The following NCOA2 variants were observed in gnomAD, a reference collection of about 807,000 sequenced individuals.
The protein encoded by NCOA2 is class E basic helix-loop-helix protein 75.
NCOA2 carries 21 observed loss-of-function variants against 145.1 expected under a neutral mutation model. The observed-to-expected ratio is 0.14, with a 90% CI of 0.10 to 0.21. The LOEUF (loss-of-function observed/expected upper bound fraction) is 0.21, where lower values mean the gene tolerates loss of function less well. Among genes scored for constraint, NCOA2 ranks in the 10% least tolerant of loss-of-function variants. The pLI is 1.00. For synonymous variants in NCOA2, 619 were observed against 637.5 expected (o/e 0.97, Z 0.44); for missense variants, 1,472 against 1,837.6 (o/e 0.80, Z 3.64).
chr8:70,152,062 T>A (rs1811812605), intron 11 of NCOA2, among the ~76,000 whole-genome samples: 1 of 152,354 alleles, frequency 6.6e-6, no homozygotes, highest in East Asian at 1.9e-4. Context: ...ACAAAAAGAT[T>A]AATGCCTTCC....
chr8:70,454,552 A>C, the NCOA2 span, among the ~76,000 whole-genome samples: 1 of 152,212 alleles, frequency 6.6e-6, no homozygotes, highest in African/African-American at 2.4e-5. Flanking sequence ...CTTGGAACAC[A>C]AGCAGACTCC....
At chr8:70,285,848 G>C (rs551582590) in intron 2 of NCOA2, among the ~76,000 whole-genome samples, 1 of 152,256 alleles carries the variant, frequency 6.6e-6, no homozygotes, top group South Asian at 2.1e-4. Context: ...AGTTCCATTT[G>C]TATCACTAGA....
intron 1 of NCOA2, among the ~76,000 whole-genome samples, chr8:70,364,202 T>C (rs1203584595): frequency 6.7e-6 from 1 of 150,342 alleles, no homozygotes; most frequent in Non-Finnish European, 1.5e-5. Context: ...CAACACCAAA[T>C]AAAGGGGCTA....
intron 19 of NCOA2, 52 bp from the exon 20 acceptor site, chr8:70,124,917 G>T: frequency 6.8e-7 from 1 of 1,473,580 alleles, no homozygotes; most frequent in Non-Finnish European, 9.1e-7. Context: ...TAGTTATATT[G>T]TAGAGACTGG....
chr8:70,425,051 A>G, the NCOA2 span, among the ~76,000 whole-genome samples: 4 of 152,340 alleles, frequency 2.6e-5, no homozygotes, highest in South Asian at 2.1e-4. Context: ...CTACTTGTAC[A>G]TTAACATGTG....
chr8:70,396,903 T>C (rs1420642333), intron 1 of NCOA2, among the ~76,000 whole-genome samples: 1 of 152,224 alleles, frequency 6.6e-6, no homozygotes, highest in Non-Finnish European at 1.5e-5. Context: ...CCTCTGATGT[T>C]TATTATTTAT....
the NCOA2 span, among the ~76,000 whole-genome samples, chr8:70,435,196 C>T: frequency 7.3e-5 from 11 of 151,600 alleles, no homozygotes; most frequent in African/African-American, 2.4e-4. Flanking sequence ...GAGGCCGAGG[C>T]GGGCGGATCA....
chr8:70,391,114 A>T (rs1813160800), intron 1 of NCOA2, among the ~76,000 whole-genome samples: 1 of 152,232 alleles, frequency 6.6e-6, no homozygotes, highest in Non-Finnish European at 1.5e-5. Flanking sequence ...ACAGATGAAG[A>T]CATTGCAAAG....
At chr8:70,139,700 T>C (rs1179133526) in intron 14 of NCOA2, among the ~76,000 whole-genome samples, 1 of 140,684 alleles carries the variant, frequency 7.1e-6, no homozygotes, top group East Asian at 2.2e-4. Context: ...TTGCCCAGGC[T>C]GGAATGCAGT....
At chr8:70,186,782 T>G (rs1816127025) in intron 4 of NCOA2, among the ~76,000 whole-genome samples, 1 of 152,224 alleles carries the variant, frequency 6.6e-6, no homozygotes, top group African/African-American at 2.4e-5. Flanking sequence ...GAAGAAAGAC[T>G]AGGAAGCATT....
chr8:70,205,528 A>T (rs1818342412), intron 4 of NCOA2, among the ~76,000 whole-genome samples: 1 of 152,102 alleles, frequency 6.6e-6, no homozygotes, highest in Admixed American at 6.6e-5. Flanking sequence ...GTCACTATAC[A>T]CTACAAACGC....
chr8:70,124,868 T>TAAA lies in NCOA2; in HGVS notation c.3917-6_3917-4dup, dbSNP rs765594339. ...TGGATCAGGTTGCTGACTTATTCCTTAAAAAAAAAAACAGAAACAGAAATC... is the reference window on the plus strand; with the variant it reads ...TGGATCAGGTTGCTGACTTATTCCTTAAAAAAAAAAAAAACAGAAACAGAAATC... On this transcript the variant is annotated splice_polypyrimidine_tract_variant and splice_region_variant and intron_variant, in intron 19 of 22. Transcript: ENST00000452400. 29 of 1,289,410 alleles carry TAAA rather than the reference T, an allele frequency of 2.2e-5. No individual in the cohort carries two copies. Among genetic ancestry groups the TAAA allele is most frequent in the South Asian group, 5.9e-5 (4 of 67,688 alleles). 79.9% of individuals were successfully genotyped at this position (1,289,410 alleles called of 1,614,324 possible). A position where few individuals can be genotyped will look rare whatever the true frequency, so the allele number is the denominator to read the frequency against.
intron 4 of NCOA2, among the ~76,000 whole-genome samples, chr8:70,177,604 G>A (rs1208648406): frequency 6.6e-6 from 1 of 152,100 alleles, no homozygotes; most frequent in Non-Finnish European, 1.5e-5. Context: ...TATGGGAAAG[G>A]GTTTCCTAAA....
At chr8:70,415,717 C>T in the NCOA2 span, among the ~76,000 whole-genome samples, 3 of 152,168 alleles carry the variant, frequency 2.0e-5, no homozygotes, top group Non-Finnish European at 4.4e-5. Flanking sequence ...TACCTCTATA[C>T]CTTTTTGCTA....
chr8:70,333,272 G>C (rs570372203), intron 1 of NCOA2, among the ~76,000 whole-genome samples: 1 of 152,296 alleles, frequency 6.6e-6, no homozygotes, highest in Admixed American at 6.5e-5. Context: ...ACCATGCCCA[G>C]AGTATTCCTA....
intron 4 of NCOA2, among the ~76,000 whole-genome samples, chr8:70,177,497 C>A (rs997256431): frequency 6.6e-6 from 1 of 152,054 alleles, no homozygotes; most frequent in South Asian, 2.1e-4. Flanking sequence ...CAAGTGGGAT[C>A]GAGGGTGTGT....
intron 22 of NCOA2, among the ~76,000 whole-genome samples, chr8:70,113,883 C>T (rs556174971): frequency 6.6e-6 from 1 of 152,298 alleles, no homozygotes; most frequent in African/African-American, 2.4e-5. Context: ...CTATTTCTCG[C>T]AGGCCATCGT....
chr8:70,412,133 C>A, the NCOA2 span, among the ~76,000 whole-genome samples: 1 of 152,068 alleles, frequency 6.6e-6, no homozygotes, highest in East Asian at 1.9e-4. Flanking sequence ...TAAAATGTTA[C>A]TTTACAGCCC....
chr8:70,403,754 C>T lies in NCOA2; in HGVS notation c.-131G>A, dbSNP rs1445087554. ...CGGCTGCCGTCGGCGCTGACCTTCGCCGCCGAAGCTGTAGCCGAGGCTGCG... is the reference window on the plus strand; with the variant it reads ...CGGCTGCCGTCGGCGCTGACCTTCGTCGCCGAAGCTGTAGCCGAGGCTGCG... On this transcript the variant is annotated 5_prime_UTR_variant, in exon 1 of 23. Transcript: ENST00000452400. 4 of 397,758 alleles carry T rather than the reference C, an allele frequency of 1.0e-5. No individual in the cohort carries two copies. The highest frequency in any genetic ancestry group is 4.1e-5 in the African/African-American group (2 of 48,692). 24.6% of individuals were successfully genotyped at this position (397,758 alleles called of 1,614,324 possible).
Sources: gnomAD v4.1 joint callset for allele counts (sites outside exome capture counted in the v4.1 genomes callset) on GRCh38, gnomAD v4.1.1 for gene constraint, MANE v1.5 for transcripts, NCBI Gene and HGNC (gene_info 2026-07-23, HGNC 2026-07-21) for gene names.